The following AMACR variants were observed in gnomAD, a reference collection of about 807,000 sequenced individuals.
The protein encoded by AMACR is 2-methylacyl-CoA racemase.
AMACR carries 18 observed loss-of-function variants against 22.2 expected under a neutral mutation model. That is an observed-to-expected ratio of 0.81 (90% confidence interval 0.56 to 1.20). The LOEUF (loss-of-function observed/expected upper bound fraction) is 1.20, where lower values mean the gene tolerates loss of function less well. AMACR is among the 50% of genes most tolerant of loss of function. AMACR has a pLI of 0.00. For synonymous variants in AMACR, 213 were observed against 191.3 expected (o/e 1.11, Z -0.94); for missense variants, 499 against 490.6 (o/e 1.02, Z -0.16).
intron 3 of AMACR, among the ~76,000 whole-genome samples, chr5:34,004,024 T>A (rs1338036800): frequency 4.6e-5 from 7 of 152,222 alleles, no homozygotes; most frequent in African/African-American, 1.7e-4. Flanking sequence ...ACAGGGAATG[T>A]GCTCAGCAGA....
chr5:34,007,887 G>T lies in AMACR; in HGVS notation c.133C>A (p.Arg45Ser). Reference protein sequence around the residue: ...DRPGSRYDVSRLGRGKRSLVL... With the variant: ...DRPGSRYDVSSLGRGKRSLVL... ...AGCGAGCGCTTGCCCCGGCCCAAGC[G>T]GCTCACGTCGTAGCGGGAGCCGGGC... The change falls in exon 1 of 5, where the codon CGC becomes AGC. Residue 45 changes from arginine to serine, a missense_variant. Coordinates refer to ENST00000335606, the MANE Select transcript of AMACR (RefSeq NM_014324.6). 1 of 1,599,420 alleles carries T rather than the reference G, an allele frequency of 6.3e-7. No individual in the cohort carries two copies. Among genetic ancestry groups the T allele is most frequent in the South Asian group, 1.1e-5 (1 of 90,256 alleles).
intron 1 of AMACR, among the ~76,000 whole-genome samples, chr5:34,007,385 AGCCGAATGACC>A (rs1754015197): frequency 6.6e-6 from 1 of 152,202 alleles, no homozygotes; most frequent in African/African-American, 2.4e-5. Flanking sequence ...CCAAAACGGT[AGCCGAATGACC>A]GCCTATATGC....
chr5:33,998,827 C>T lies in AMACR; in HGVS notation c.553G>A (p.Val185Met). 6.2e-7 allele frequency: 1 copy of T among 1,613,904 alleles called. No individual in the cohort carries two copies. The highest frequency in any genetic ancestry group is 1.7e-5 in the Admixed American group (1 of 59,990). Residue 185 changes from valine (V) to methionine (M), a missense_variant and splice_region_variant, in exon 4 of 5, where the codon GTG (valine) becomes ATG (methionine). Coordinates refer to ENST00000335606, the MANE Select transcript of AMACR (RefSeq NM_014324.6). ...GKGQVIDANM[V>M]EGTAYLSSFL... Reference sequence around the variant, plus strand: ...GAACTTAAATATGCTGTTCCTTCCACCTTTGAGAAAACAGAATACAAGACA... The same window carrying T: ...GAACTTAAATATGCTGTTCCTTCCATCTTTGAGAAAACAGAATACAAGACA...
chr5:33,988,891 A>G lies in AMACR; in HGVS notation c.*202T>C, dbSNP rs2112031522. On this transcript the variant is annotated 3_prime_UTR_variant, in exon 5 of 5. Transcript: ENST00000335606. ...ACCATAATTTAGTATAAGTACCCAA[A>G]GTTTTATAAATCAAAAGCCCTAATG... 7.1e-7 allele frequency: 1 copy of G among 1,406,894 alleles called. No homozygotes were observed. The highest frequency in any genetic ancestry group is 2.6e-5 in the East Asian group (1 of 38,242). The allele number at this position is 1,406,894 out of a possible 1,614,324, so 87.2% of individuals were successfully genotyped here.
At chr5:34,007,051 A>C (rs981606951) in intron 1 of AMACR, among the ~76,000 whole-genome samples, 1 of 152,264 alleles carries the variant, frequency 6.6e-6, no homozygotes, top group African/African-American at 2.4e-5. Flanking sequence ...GGAAGACTGG[A>C]GTCCATGATG....
intron 4 of AMACR, among the ~76,000 whole-genome samples, chr5:33,993,009 G>A (rs775779646): frequency 1.3e-5 from 2 of 152,046 alleles, no homozygotes; most frequent in Non-Finnish European, 1.5e-5. Context: ...CCATCCATCT[G>A]TACCACACAA....
chr5:34,002,716 G>C (rs984855616), intron 3 of AMACR, among the ~76,000 whole-genome samples: 1 of 151,986 alleles, frequency 6.6e-6, no homozygotes, highest in African/African-American at 2.4e-5. Context: ...GAAGGTACCG[G>C]TCTTGAGTTT....
At chr5:33,992,185 A>T (rs1034354703) in intron 4 of AMACR, among the ~76,000 whole-genome samples, 3 of 151,974 alleles carry the variant, frequency 2.0e-5, no homozygotes, top group East Asian at 3.9e-4. Flanking sequence ...GGCCATAAAA[A>T]TTATTTTTAT....
intron 4 of AMACR, among the ~76,000 whole-genome samples, chr5:33,991,795 C>A (rs1465672599): frequency 2.6e-5 from 4 of 151,400 alleles, no homozygotes; most frequent in African/African-American, 9.7e-5. Flanking sequence ...GGCTGGAGTG[C>A]GGTGGTGTGA....
At position 33,988,372 on chromosome 5, in the gene AMACR, A is replaced by T. The variant is rs1753362083; in HGVS notation, c.*721T>A. 2.6e-6 allele frequency: 4 copies of T among 1,539,168 alleles called. No homozygotes were observed. The African/African-American group carries it at 5.5e-5, about 21-fold the overall frequency. Reference sequence around the variant, plus strand: ...GAACTTGCTACCAGCCTGAGGAGAAATCAAACACATGGAGAAAGGAAAGCT... The same window carrying T: ...GAACTTGCTACCAGCCTGAGGAGAATTCAAACACATGGAGAAAGGAAAGCT... On this transcript the variant is annotated 3_prime_UTR_variant, in exon 5 of 5. Transcript: ENST00000335606.
rs886823708 is a variant in AMACR at position 34,007,859 on chromosome 5, A to T, written c.161T>A (p.Val54Glu). The change falls in exon 1 of 5, where the codon GTG (valine) becomes GAG (glutamate). Residue 54 changes from valine (V) to glutamate (E), a missense_variant. By Grantham distance (121) the Val-to-Glu change is moderately radical. Coordinates refer to ENST00000335606, the MANE Select transcript of AMACR (RefSeq NM_014324.6). The stretch of plus-strand genomic sequence containing the variant: ...TCCCCGCGGCTGCTTCAGGTCCAGC[A>T]CTAGCGAGCGCTTGCCCCGGCCCAA... The part of the protein sequence containing the change: ...SRLGRGKRSL[V>E]LDLKQPRGAA... The T allele has an allele frequency of 1.3e-6, 2 of 1,585,726 alleles. No individual in the cohort carries two copies. The highest frequency in any genetic ancestry group is 2.7e-5 in the African/African-American group (2 of 74,450).
chr5:33,988,506 T>G lies in AMACR; in HGVS notation c.*587A>C. The G allele has an allele frequency of 7.1e-7, 1 of 1,410,732 alleles. No individual in the cohort carries two copies. The highest frequency in any genetic ancestry group is 9.2e-7 in the Non-Finnish European group (1 of 1,086,102). 87.4% of individuals were successfully genotyped at this position (1,410,732 alleles called of 1,614,324 possible). ...CGTAGTGAGCCAACACATTTCCTCA[T>G]TATTTTGGATATGTTTTTTTCAGTT... On this transcript the variant is annotated 3_prime_UTR_variant, in exon 5 of 5. Coordinates refer to ENST00000335606, the MANE Select transcript of AMACR (RefSeq NM_014324.6).
At chr5:33,996,637 T>TAGG (rs61126242) in intron 4 of AMACR, among the ~76,000 whole-genome samples, 1 of 151,768 alleles carries the variant, frequency 6.6e-6, no homozygotes, top group African/African-American at 2.4e-5. Context: ...AATAAAAAAT[T>TAGG]TTGCCTATAG....
chr5:34,002,564 C>G (rs1009869144), intron 3 of AMACR, among the ~76,000 whole-genome samples: 2 of 152,178 alleles, frequency 1.3e-5, no homozygotes, highest in African/African-American at 4.8e-5. Flanking sequence ...TAGGGTCCAA[C>G]TGCCTGGGGC....
rs367687588 is a variant in AMACR, at chr5:33,998,873, C to G, written c.553-46G>C. ...AGACAAATCCAGATAACTCAAGTGTCAAAGCATGAATAATTCCTCCCATTC... is the reference window on the plus strand; with the variant it reads ...AGACAAATCCAGATAACTCAAGTGTGAAAGCATGAATAATTCCTCCCATTC... On this transcript the variant is annotated intron_variant, in intron 3 of 4. Coordinates refer to ENST00000335606, the MANE Select transcript of AMACR (RefSeq NM_014324.6). The G allele has an allele frequency of 4.3e-5, 68 of 1,581,026 alleles. No individual in the cohort carries two copies. The African/African-American group carries it at 7.0e-4, about 16-fold the overall frequency.
chr5:34,001,543 G>A (rs1039709095), intron 3 of AMACR, among the ~76,000 whole-genome samples: 1 of 152,236 alleles, frequency 6.6e-6, no homozygotes, highest in Non-Finnish European at 1.5e-5. Context: ...AGCTCATTAT[G>A]TAAGAGAAAC....
chr5:34,007,181 G>C (rs1754006327), intron 1 of AMACR, among the ~76,000 whole-genome samples: 1 of 152,260 alleles, frequency 6.6e-6, no homozygotes, highest in African/African-American at 2.4e-5. Flanking sequence ...CTGGCGGGCA[G>C]CCTTGACGGC....
Position 33,988,586 on chromosome 5 carries a change from G to C in AMACR, c.*507C>G. ...CTTTTCTTTGCAAATTACAAAGTGT[G>C]ATAACTGTTGCTAAAGTTTGGAATG... On this transcript the variant is annotated 3_prime_UTR_variant, in exon 5 of 5. Transcript: ENST00000335606. 1 of 1,338,038 alleles carries C rather than the reference G, an allele frequency of 7.5e-7. No homozygotes were observed. The highest frequency in any genetic ancestry group is 9.6e-7 in the Non-Finnish European group (1 of 1,046,348). The allele number at this position is 1,338,038 out of a possible 1,614,324, so 82.9% of individuals were successfully genotyped here. A position where few individuals can be genotyped will look rare whatever the true frequency, so the allele number is the denominator to read the frequency against.
At position 33,986,714 on chromosome 5, in the gene AMACR, CTGAGG is replaced by C. The variant is rs1753305912; in HGVS notation, c.*2374_*2378del. The stretch of plus-strand genomic sequence containing the variant: ...ATTTCCCTAGATTTCTTTCTTCTCC[CTGAGG>C]TATTACTGCCAGTGTCTATGTCTCC... On this transcript the variant is annotated 3_prime_UTR_variant, in exon 5 of 5. Coordinates refer to ENST00000335606, the MANE Select transcript of AMACR (RefSeq NM_014324.6). The C allele has an allele frequency of 6.6e-6, 1 of 152,142 alleles. No homozygotes were observed. The highest frequency in any genetic ancestry group is 2.1e-4 in the South Asian group (1 of 4,826). 9.4% of individuals were successfully genotyped at this position (152,142 alleles called of 1,614,324 possible). A position where few individuals can be genotyped will look rare whatever the true frequency, so the allele number is the denominator to read the frequency against.
Sources: gnomAD v4.1 joint callset for allele counts (sites outside exome capture counted in the v4.1 genomes callset) on GRCh38, gnomAD v4.1.1 for gene constraint, MANE v1.5 for transcripts, NCBI Gene and HGNC (gene_info 2026-07-23, HGNC 2026-07-21) for gene names.